DHX33: variants seen among roughly 807,000 people sequenced by gnomAD.
DHX33 encodes DEAH-box helicase 33.
In DHX33, 42 loss-of-function variants were observed where a neutral mutation model predicts 72.5. The ratio of observed to expected loss-of-function variants is 0.58; its 90% CI spans 0.45 to 0.75. The LOEUF (loss-of-function observed/expected upper bound fraction) is 0.75. Among genes scored for constraint, DHX33 ranks in the 30% least tolerant of loss-of-function variants. The probability of loss-of-function intolerance (pLI) is 0.00; values close to 1 mark genes in which losing one functional copy is unlikely to be tolerated. For missense variants in DHX33, 842 were observed against 917.5 expected (o/e 0.92, Z 1.06); for synonymous variants, 358 against 366.1 (o/e 0.98, Z 0.25).
At chr17:5,448,731 C>A in intron 11 of DHX33, 78 bp downstream of exon 11, 2 of 1,049,004 alleles carry the variant, frequency 1.9e-6, no homozygotes, top group Non-Finnish European at 1.4e-6. Flanking sequence ...TAATCACTAG[C>A]AATAAGCAAC....
intron 8 of DHX33, among the ~76,000 whole-genome samples, chr17:5,452,205 G>A (rs1387692714): frequency 6.6e-6 from 1 of 152,106 alleles, no homozygotes; most frequent in African/African-American, 2.4e-5. Context: ...AAAAAATCAA[G>A]CACAGAACAA....
Position 5,455,432 on chromosome 17 carries a change from C to T in DHX33, c.1036-161G>A, listed in dbSNP as rs188105457. 1.1e-4 allele frequency among the ~76,000 whole-genome samples: 17 copies of T among 152,226 alleles called. No individual in the cohort carries two copies. In the East Asian group the frequency reaches 2.5e-3, roughly 22 times the overall value. On this transcript the variant is annotated intron_variant, in intron 5 of 11. Transcript: ENST00000225296. Reference sequence around the variant, plus strand: ...TAATATTAATGGTTGGTCATTAAACCGGGCAGGGGAAGGGGACGCTGCAGT... The same window carrying T: ...TAATATTAATGGTTGGTCATTAAACTGGGCAGGGGAAGGGGACGCTGCAGT...
intron 4 of DHX33, among the ~76,000 whole-genome samples, chr17:5,458,288 A>G (rs1345214023): frequency 6.6e-6 from 1 of 152,092 alleles, no homozygotes; most frequent in Non-Finnish European, 1.5e-5. Flanking sequence ...ACACAGAACT[A>G]TACACGACTG....
chr17:5,449,334 TAAGAAA>T (rs1441500244), intron 10 of DHX33, among the ~76,000 whole-genome samples: 1 of 152,162 alleles, frequency 6.6e-6, no homozygotes, highest in Non-Finnish European at 1.5e-5. Context: ...TACAAGTCAT[TAAGAAA>T]AAGACCAACG....
Position 5,448,888 on chromosome 17 carries a change from C to T in DHX33, c.1736G>A (p.Cys579Tyr). The T allele has an allele frequency of 6.2e-7, 1 of 1,612,686 alleles. No individual in the cohort carries two copies. The highest frequency in any genetic ancestry group is 8.5e-7 in the Non-Finnish European group (1 of 1,179,210). ...CTTGCTGTTGACAAAATTCTCTTTG[C>T]ACCAATCCTGAATAGGAGAAAGAGT... The part of the protein sequence containing the change: ...FKNLGGNKDW[C>Y]KENFVNSKNM... Residue 579 changes from cysteine (C) to tyrosine (Y), a missense_variant, in exon 11 of 12, where the codon TGC becomes TAC. By Grantham distance (194) the Cys-to-Tyr change is radical (BLOSUM62 -2). Transcript: ENST00000225296.
chr17:5,456,853 A>T (rs543318881), intron 4 of DHX33, among the ~76,000 whole-genome samples: 18 of 152,348 alleles, frequency 1.2e-4, no homozygotes, highest in African/African-American at 4.1e-4. Context: ...CTGGAGAAGG[A>T]GCCTTTAATG....
chr17:5,458,400 T>C (rs1019267718), intron 4 of DHX33, among the ~76,000 whole-genome samples: 1 of 152,104 alleles, frequency 6.6e-6, no homozygotes, highest in Non-Finnish European at 1.5e-5. Context: ...GATGATGGTG[T>C]GCTACTAGCA....
chr17:5,461,005 A>C lies in DHX33; in HGVS notation c.783T>G (p.Phe261Leu), dbSNP rs751872800. The change falls in exon 4 of 12, where the codon TTT becomes TTG. Residue 261 changes from phenylalanine (F) to leucine (L), a missense_variant. Physicochemically the swap from Phe to Leu is conservative, Grantham distance 22 (BLOSUM62 0). Coordinates refer to ENST00000225296, the MANE Select transcript of DHX33 (RefSeq NM_020162.4). ...LEGRQHPIQV[F>L]YTKQPQNDYL... Reference sequence around the variant, plus strand: ...AATCATTCTGAGGCTGTTTGGTGTAAAACACCTGGATCGGATGCTGCCGAC... The same window carrying C: ...AATCATTCTGAGGCTGTTTGGTGTACAACACCTGGATCGGATGCTGCCGAC... The C allele has an allele frequency of 5.0e-6, 8 of 1,614,048 alleles. No homozygotes were observed. Among genetic ancestry groups the C allele is most frequent in the Non-Finnish European group, 6.8e-6 (8 of 1,179,978 alleles).
chr17:5,440,919 C>G lies in DHX33; in HGVS notation c.*3286G>C, dbSNP rs1916414471. On this transcript the variant is annotated 3_prime_UTR_variant, in exon 12 of 12. Coordinates refer to ENST00000225296, the MANE Select transcript of DHX33 (RefSeq NM_020162.4). ...AGAAACAAGCCACACACATCATATA[C>G]AAGATTCATTTTTAATGGATTTGAT... 6.6e-6 allele frequency: 1 copy of G among 152,110 alleles called. No homozygotes were observed. The highest frequency in any genetic ancestry group is 6.5e-5 in the Admixed American group (1 of 15,274). The allele number at this position is 152,110 out of a possible 1,614,324, so 9.4% of individuals were successfully genotyped here.
intron 2 of DHX33, among the ~76,000 whole-genome samples, chr17:5,463,133 T>C (rs1181518388): frequency 6.6e-6 from 1 of 151,968 alleles, no homozygotes; most frequent in Non-Finnish European, 1.5e-5. Flanking sequence ...ACGTCTAAGG[T>C]ATTTTTAAGT....
intron 1 of DHX33, among the ~76,000 whole-genome samples, chr17:5,468,173 C>T (rs1036707448): frequency 3.4e-4 from 52 of 152,218 alleles, no homozygotes; most frequent in African/African-American, 1.2e-3. Flanking sequence ...TACACCTTCC[C>T]TTTCGACCGG....
intron 10 of DHX33, among the ~76,000 whole-genome samples, chr17:5,449,754 C>A (rs1486251373): frequency 6.6e-6 from 1 of 152,152 alleles, no homozygotes; most frequent in Non-Finnish European, 1.5e-5. Context: ...AGTTTTTCAA[C>A]TGCACGAAGC....
rs1455237691 is a variant in DHX33, at chr17:5,468,781, G to A, written c.79C>T (p.Pro27Ser). ...SGPPSRAGSF[P>S]PGRQVVMLLT... The stretch of plus-strand genomic sequence containing the variant: ...AGCATCACCACTTGCCTCCCGGGAG[G>A]GAAGGACCCAGCGCGGCTCGGAGGT... The change falls in exon 1 of 12, where the codon CCT (proline) becomes TCT (serine). Residue 27 changes from proline to serine, a missense_variant. Transcript: ENST00000225296. 4.4e-6 allele frequency: 7 copies of A among 1,608,106 alleles called. No homozygotes were observed. The highest frequency in any genetic ancestry group is 1.7e-5 in the Admixed American group (1 of 59,556).
chr17:5,464,457 T>A (rs1174236398), intron 1 of DHX33, among the ~76,000 whole-genome samples: 1 of 152,222 alleles, frequency 6.6e-6, no homozygotes, highest in Non-Finnish European at 1.5e-5. Flanking sequence ...CAGGTATGTA[T>A]ACTGCTGGTG....
intron 6 of DHX33, among the ~76,000 whole-genome samples, chr17:5,454,722 C>A (rs1038458142): frequency 3.9e-5 from 6 of 152,230 alleles, no homozygotes; most frequent in Admixed American, 6.5e-5. Context: ...TAGCTTCTCA[C>A]TGCACCTTCT....
intron 4 of DHX33, among the ~76,000 whole-genome samples, chr17:5,458,254 T>G (rs1904418562): frequency 6.6e-6 from 1 of 151,924 alleles, no homozygotes; most frequent in Non-Finnish European, 1.5e-5. Context: ...CATAAAGGAC[T>G]CTGAAAAGAC....
chr17:5,453,854 T>G lies in DHX33; in HGVS notation c.1274A>C (p.Lys425Thr). The change falls in exon 7 of 12, where the codon AAG becomes ACG. Residue 425 changes from lysine (K) to threonine (T), a missense_variant. Physicochemically the swap from Lys to Thr is moderately conservative, Grantham distance 78. Transcript: ENST00000225296. ...CTCTGGCACGGTCATCTTATCAAAC[T>G]TCTCAAACTCGTCCTCCGTGTAGAG... ...YRLYTEDEFE[K>T]FDKMTVPEIQ... 2 of 1,614,140 alleles carry G rather than the reference T, an allele frequency of 1.2e-6. No individual in the cohort carries two copies. The highest frequency in any genetic ancestry group is 1.7e-6 in the Non-Finnish European group (2 of 1,180,014).
Position 5,443,608 on chromosome 17 carries a change from C to A in DHX33, c.*597G>T, listed in dbSNP as rs1916516308. 6.6e-6 allele frequency: 1 copy of A among 152,532 alleles called. No homozygotes were observed. The highest frequency in any genetic ancestry group is 1.5e-5 in the Non-Finnish European group (1 of 68,368). 9.4% of individuals were successfully genotyped at this position (152,532 alleles called of 1,614,324 possible). ...CAGGAGGTACGAGATAACAGCACCT[C>A]CCTCTGGAAACTTCTACAGAAGTCA... is the stretch of plus-strand genomic sequence containing the variant. On this transcript the variant is annotated 3_prime_UTR_variant, in exon 12 of 12. Coordinates refer to ENST00000225296, the MANE Select transcript of DHX33 (RefSeq NM_020162.4).
Position 5,468,943 on chromosome 17 carries a change from C to G in DHX33, c.-84G>C, listed in dbSNP as rs1355375734. Reference sequence around the variant, plus strand: ...TGCAGACAACAGGAGCACACCGCCCCTTCCTCGCCGCCACGTGCTGGCGGC... The same window carrying G: ...TGCAGACAACAGGAGCACACCGCCCGTTCCTCGCCGCCACGTGCTGGCGGC... On this transcript the variant is annotated 5_prime_UTR_variant, in exon 1 of 12. Transcript: ENST00000225296. 1.4e-6 allele frequency: 2 copies of G among 1,388,268 alleles called. No homozygotes were observed. Among genetic ancestry groups the G allele is most frequent in the African/African-American group, 1.5e-5 (1 of 66,834 alleles). 86.0% of individuals were successfully genotyped at this position (1,388,268 alleles called of 1,614,324 possible).
Sources: gnomAD v4.1 joint callset for allele counts (sites outside exome capture counted in the v4.1 genomes callset) on GRCh38, gnomAD v4.1.1 for gene constraint, MANE v1.5 for transcripts, NCBI Gene and HGNC (gene_info 2026-07-23, HGNC 2026-07-21) for gene names.